PPP2R2C: variants seen among roughly 807,000 people sequenced by gnomAD.
PPP2R2C encodes protein phosphatase 2 regulatory subunit Bgamma.
PPP2R2C carries 10 observed loss-of-function variants against 45.3 expected under a neutral mutation model. The observed-to-expected ratio is 0.22, with a 90% CI of 0.14 to 0.37. PPP2R2C has a LOEUF of 0.37. Among genes scored for constraint, PPP2R2C ranks in the 10% least tolerant of loss-of-function variants. The pLI is 1.00. For missense variants in PPP2R2C, 308 were observed against 619.7 expected (o/e 0.50, Z 5.34); for synonymous variants, 257 against 245.4 (o/e 1.05, Z -0.44).
rs1247399779 is a variant in PPP2R2C, at chr4:6,512,641, G to C, written c.49+22630C>G. ...GGTAGTGGTGGTGATGGTGATGGTG[G>C]TGATGGTGCTGATGGTGGTGGTGGT... On this transcript the variant is annotated intron_variant, in intron 2 of 9. Coordinates refer to the PPP2R2C transcript ENST00000506140. Among the ~76,000 whole-genome samples, 37 of 106,496 alleles carry C rather than the reference G, an allele frequency of 3.5e-4. 1 individual carries two copies. Among genetic ancestry groups the C allele is most frequent in the Admixed American group, 3.4e-3 (32 of 9,442 alleles). 69.9% of individuals were successfully genotyped at this position (106,496 alleles called of 152,430 possible).
At chr4:6,475,881 T>C (rs1474237252), upstream of PPP2R2C, among the ~76,000 whole-genome samples, 2 of 152,130 alleles carry the variant, frequency 1.3e-5, no homozygotes, top group African/African-American at 4.8e-5. Flanking sequence ...GGTGGGGCCT[T>C]TGGGAGATTT....
intron 5 of PPP2R2C, chr4:6,349,083 G>A (rs1712286382): frequency 1.0e-6 from 1 of 985,310 alleles, no homozygotes; most frequent in African/African-American, 1.7e-5. Flanking sequence ...ATCTCTTGGA[G>A]CATGCAAGGA....
At chr4:6,470,437 T>C (rs541934765) in intron 1 of PPP2R2C, among the ~76,000 whole-genome samples, 2 of 152,272 alleles carry the variant, frequency 1.3e-5, no homozygotes, top group African/African-American at 4.8e-5. Context: ...TGTTTGAAAA[T>C]GTCCACCATG....
chr4:6,439,694 C>T (rs745698914), intron 1 of PPP2R2C, among the ~76,000 whole-genome samples: 40 of 152,144 alleles, frequency 2.6e-4, no homozygotes, highest in Non-Finnish European at 4.0e-4. Context: ...AGAGGTCTTC[C>T]TAAACTAAAG....
At chr4:6,390,593 T>C (rs138345881) in intron 1 of PPP2R2C, among the ~76,000 whole-genome samples, 1 of 152,318 alleles carries the variant, frequency 6.6e-6, no homozygotes, top group Non-Finnish European at 1.5e-5. Context: ...GGAGTCAGAC[T>C]GTTGCCGGGA....
chr4:6,370,510 A>C (rs1284318180), intron 5 of PPP2R2C, among the ~76,000 whole-genome samples: 1 of 152,176 alleles, frequency 6.6e-6, no homozygotes, highest in East Asian at 1.9e-4. Context: ...CGGCCTGGCC[A>C]ATCACAACAA....
rs143436621 is a variant in PPP2R2C, at chr4:6,467,352, AATAGAC to A, written c.70+4802_70+4807del. 7.6e-3 allele frequency among the ~76,000 whole-genome samples: 1,152 copies of A among 152,184 alleles called. 8 individuals are homozygous for A. Among genetic ancestry groups the A allele is most frequent in the African/African-American group, 0.027 (1,103 of 41,512 alleles). On this transcript the variant is annotated intron_variant, in intron 1 of 8. Transcript: ENST00000382599. Reference sequence around the variant, plus strand: ...GCTAGTCTAACTCTGGCCCCTAAAGAATAGACATCATCACTTACTGATCTATTAAGA... The same window carrying A: ...GCTAGTCTAACTCTGGCCCCTAAAGAATCATCACTTACTGATCTATTAAGA...
chr4:6,547,376 A>C (rs759349367), intron 1 of PPP2R2C, among the ~76,000 whole-genome samples: 9 of 152,046 alleles, frequency 5.9e-5, no homozygotes, highest in African/African-American at 1.2e-4. Context: ...AACCATAAGA[A>C]GGTATGATAA....
At chr4:6,503,195 G>A (rs899272210) in intron 2 of PPP2R2C, among the ~76,000 whole-genome samples, 2 of 152,144 alleles carry the variant, frequency 1.3e-5, no homozygotes, top group Non-Finnish European at 2.9e-5. Flanking sequence ...GCCTGCCCCA[G>A]CACTCCTCGG....
At chr4:6,325,664 TG>T (rs1731881032) in intron 8 of PPP2R2C, among the ~76,000 whole-genome samples, 2 of 152,124 alleles carry the variant, frequency 1.3e-5, no homozygotes, top group Non-Finnish European at 2.9e-5. Flanking sequence ...ACACGTGCTC[TG>T]GGGGAGAGGG....
intron 1 of PPP2R2C, among the ~76,000 whole-genome samples, chr4:6,408,197 T>A (rs555099182): frequency 9.9e-5 from 15 of 152,260 alleles, no homozygotes; most frequent in African/African-American, 3.4e-4. Context: ...TTGGGTTTGT[T>A]AACAAGAAAT....
chr4:6,373,762 C>T (rs775888198), intron 4 of PPP2R2C, among the ~76,000 whole-genome samples: 21 of 152,174 alleles, frequency 1.4e-4, no homozygotes, highest in South Asian at 4.1e-4. Flanking sequence ...CTGCAGCCCA[C>T]GTTAAATTTT....
At chr4:6,400,193 T>C (rs762196553) in intron 1 of PPP2R2C, among the ~76,000 whole-genome samples, 13 of 152,164 alleles carry the variant, frequency 8.5e-5, no homozygotes, top group Non-Finnish European at 1.2e-4. Context: ...TGTTTGAGGA[T>C]AGATGTTCGA....
intron 2 of PPP2R2C, among the ~76,000 whole-genome samples, chr4:6,499,087 T>C (rs1722964157): frequency 6.6e-6 from 1 of 151,914 alleles, no homozygotes. Context: ...CCAAGGCAGA[T>C]TGGGAGGGGA....
At chr4:6,511,222 T>C (rs566397540) in intron 2 of PPP2R2C, among the ~76,000 whole-genome samples, 152 of 152,092 alleles carry the variant, frequency 1.0e-3, no homozygotes, top group African/African-American at 3.5e-3. Context: ...GAGTGCTCAG[T>C]ACATGTTAGT....
chr4:6,327,170 C>A (rs1360435716), intron 8 of PPP2R2C, among the ~76,000 whole-genome samples: 1 of 152,114 alleles, frequency 6.6e-6, no homozygotes, highest in Non-Finnish European at 1.5e-5. Flanking sequence ...GTGAAGGGCT[C>A]AGAACAGGTT....
At chr4:6,389,494 G>A (rs541557368) in intron 1 of PPP2R2C, among the ~76,000 whole-genome samples, 1 of 152,184 alleles carries the variant, frequency 6.6e-6, no homozygotes, top group South Asian at 2.1e-4. Flanking sequence ...GGAGGGGTCC[G>A]CCTGCTGCCG....
At chr4:6,372,470 A>G (rs1189671910) in intron 5 of PPP2R2C, 53 bp downstream of exon 5, 8 of 1,571,330 alleles carry the variant, frequency 5.1e-6, no homozygotes, top group South Asian at 3.4e-5. Context: ...CCACCACCCA[A>G]CGGAAGCTAC....
chr4:6,537,688 C>T (rs549587213), intron 1 of PPP2R2C, among the ~76,000 whole-genome samples: 2 of 151,666 alleles, frequency 1.3e-5, no homozygotes, highest in African/African-American at 4.9e-5. Flanking sequence ...GTAGCTGGAA[C>T]TACAGGTGCC....
Sources: gnomAD v4.1 joint callset for allele counts (sites outside exome capture counted in the v4.1 genomes callset) on GRCh38, gnomAD v4.1.1 for gene constraint, MANE v1.5 for transcripts, NCBI Gene and HGNC (gene_info 2026-07-23, HGNC 2026-07-21) for gene names.